Variants in DLGAP2 observed in about 807,000 individuals in gnomAD.
DLGAP2 encodes disks large-associated protein 2.
Under a neutral mutation model 100.3 loss-of-function variants are expected in DLGAP2, and 26 were observed. The observed-to-expected ratio is 0.26, with a 90% CI of 0.19 to 0.36. The LOEUF is 0.36. DLGAP2 is among the 10% of genes least tolerant of loss of function. The probability of loss-of-function intolerance (pLI) is 1.00; values close to 1 mark genes in which losing one functional copy is unlikely to be tolerated. For missense variants in DLGAP2, 1,858 were observed against 1,453.2 expected (o/e 1.28, Z -4.53); for synonymous variants, 886 against 630.1 (o/e 1.41, Z -6.08).
At chr8:852,142 T>C (rs909813367) in intron 1 of DLGAP2, among the ~76,000 whole-genome samples, 1 of 150,318 alleles carries the variant, frequency 6.7e-6, no homozygotes, top group Non-Finnish European at 1.5e-5. Context: ...AAGGGACACA[T>C]TGGAAGCTAA....
At chr8:830,301 A>G (rs1236049553) in intron 1 of DLGAP2, among the ~76,000 whole-genome samples, 1 of 152,294 alleles carries the variant, frequency 6.6e-6, no homozygotes, top group East Asian at 1.9e-4. Context: ...TTTTGTTACA[A>G]ACAATCCAAT....
At chr8:1,464,627 T>G (rs1171442888) in intron 3 of DLGAP2, among the ~76,000 whole-genome samples, 2 of 151,002 alleles carry the variant, frequency 1.3e-5, no homozygotes, top group Non-Finnish European at 3.0e-5. Flanking sequence ...AGTCACTGTC[T>G]CCAATGACTG....
At chr8:1,213,656 C>T (rs1315680738) in intron 2 of DLGAP2, among the ~76,000 whole-genome samples, 1 of 152,168 alleles carries the variant, frequency 6.6e-6, no homozygotes, top group Non-Finnish European at 1.5e-5. Context: ...TTTCTCTGGG[C>T]TCTGATCCAG....
At chr8:1,294,000 G>A (rs907676051) in intron 3 of DLGAP2, among the ~76,000 whole-genome samples, 16 of 152,276 alleles carry the variant, frequency 1.1e-4, no homozygotes, top group African/African-American at 3.6e-4. Flanking sequence ...CCGGGGTCTC[G>A]GAGCCCACAC....
chr8:1,324,112 T>C (rs1428326737), intron 3 of DLGAP2, among the ~76,000 whole-genome samples: 2 of 152,144 alleles, frequency 1.3e-5, no homozygotes, highest in African/African-American at 2.4e-5. Context: ...ATAAGAAGCG[T>C]CCATTGAAGG....
At chr8:1,246,031 A>G (rs186497771) in intron 2 of DLGAP2, among the ~76,000 whole-genome samples, 61 of 152,286 alleles carry the variant, frequency 4.0e-4, no homozygotes, top group Admixed American at 2.9e-3. Flanking sequence ...TCATGTTGAT[A>G]TTTGTTCCTG....
chr8:768,287 T>G (rs1821265692), intron 1 of DLGAP2, among the ~76,000 whole-genome samples: 1 of 152,158 alleles, frequency 6.6e-6, no homozygotes, highest in South Asian at 2.1e-4. Context: ...CCTGAACCAC[T>G]TCTAAGAGTA....
At chr8:980,126 C>A (rs1229207907) in intron 2 of DLGAP2, among the ~76,000 whole-genome samples, 1 of 152,148 alleles carries the variant, frequency 6.6e-6, no homozygotes, top group Admixed American at 6.5e-5. Context: ...TTCCGGGAGT[C>A]AGGAGTGACT....
At position 758,772 on chromosome 8, in the gene DLGAP2, G is replaced by A. The variant is rs140745387; in HGVS notation, c.18+20947G>A. Reference sequence around the variant, plus strand: ...AAATGTGGTCTTGCCATTTTGTCCAGGCTGGTCCTGAACTCCTGGGCTCAA... The same window carrying A: ...AAATGTGGTCTTGCCATTTTGTCCAAGCTGGTCCTGAACTCCTGGGCTCAA... On this transcript the variant is annotated intron_variant, in intron 1 of 14. Coordinates refer to ENST00000637795, the MANE Select transcript of DLGAP2 (RefSeq NM_001346810.2). Among the ~76,000 whole-genome samples, 339 of 152,176 alleles carry A rather than the reference G, an allele frequency of 2.2e-3. 2 individuals are homozygous for A. The highest frequency in any genetic ancestry group is 0.018 in the East Asian group (91 of 5,168).
At chr8:1,654,244 C>G (rs1798232689) in intron 8 of DLGAP2, among the ~76,000 whole-genome samples, 1 of 152,224 alleles carries the variant, frequency 6.6e-6, no homozygotes, top group Non-Finnish European at 1.5e-5. Flanking sequence ...ACCTCCTGTA[C>G]AGTTCACAGC....
At chr8:1,259,057 G>A (rs528389358) in intron 3 of DLGAP2, among the ~76,000 whole-genome samples, 174 bp downstream of exon 3, 8 of 152,366 alleles carry the variant, frequency 5.3e-5, no homozygotes, top group African/African-American at 1.7e-4. Flanking sequence ...TGCAAGGTGA[G>A]CGTTAGGACT....
intron 1 of DLGAP2, among the ~76,000 whole-genome samples, chr8:810,240 C>T (rs1200921391): frequency 1.3e-5 from 2 of 152,220 alleles, no homozygotes; most frequent in Non-Finnish European, 2.9e-5. Flanking sequence ...CTTTTAATTC[C>T]TCCAATTTTA....
intron 7 of DLGAP2, among the ~76,000 whole-genome samples, chr8:1,628,734 T>C (rs1031382897): frequency 1.4e-5 from 2 of 147,012 alleles, no homozygotes; most frequent in Admixed American, 6.8e-5. Flanking sequence ...GAGCCTGAGC[T>C]GACCTCACAT....
intron 2 of DLGAP2, among the ~76,000 whole-genome samples, chr8:1,187,354 C>G (rs567690602): frequency 4.4e-4 from 64 of 145,334 alleles, no homozygotes; most frequent in Non-Finnish European, 6.4e-4. Flanking sequence ...TGACGTTTCC[C>G]TCACGGAATC....
intron 1 of DLGAP2, among the ~76,000 whole-genome samples, chr8:757,208 C>T (rs1820943681): frequency 6.6e-6 from 1 of 152,200 alleles, no homozygotes; most frequent in Admixed American, 6.5e-5. Flanking sequence ...ATTCTTCCCT[C>T]CCCTGAACTC....
chr8:843,397 C>T lies in DLGAP2; in HGVS notation c.19-64515C>T, dbSNP rs151186287. Among the ~76,000 whole-genome samples the T allele has an allele frequency of 2.5e-4, 38 of 152,328 alleles. No individual in the cohort carries two copies. In the East Asian group the frequency reaches 6.8e-3, roughly 27 times the overall value. On this transcript the variant is annotated intron_variant, in intron 1 of 14. Transcript: ENST00000637795. ...GATCAGCATCAGGAGTTCACGGGGG[C>T]TGTCTTTACGGGGAGACCCCTCTGC...
intron 2 of DLGAP2, among the ~76,000 whole-genome samples, chr8:1,078,942 C>G (rs1215544645): frequency 6.6e-6 from 1 of 152,170 alleles, no homozygotes; most frequent in Non-Finnish European, 1.5e-5. Flanking sequence ...ACTGGATTGT[C>G]TAGTAGAAGT....
chr8:1,105,513 C>T (rs974789076), intron 2 of DLGAP2, among the ~76,000 whole-genome samples: 3 of 151,494 alleles, frequency 2.0e-5, no homozygotes, highest in Non-Finnish European at 2.9e-5. Context: ...CCATGCTGAG[C>T]GGGGGTCTGT....
At chr8:1,528,887 T>C (rs1177115304) in intron 4 of DLGAP2, among the ~76,000 whole-genome samples, 1 of 148,110 alleles carries the variant, frequency 6.8e-6, no homozygotes, top group Non-Finnish European at 1.5e-5. Context: ...AAAATAGTGA[T>C]GCTCAGGAAA....
Sources: gnomAD v4.1 joint callset for allele counts (sites outside exome capture counted in the v4.1 genomes callset) on GRCh38, gnomAD v4.1.1 for gene constraint, MANE v1.5 for transcripts, NCBI Gene and HGNC (gene_info 2026-07-23, HGNC 2026-07-21) for gene names.